Variants in IPO7 observed in about 807,000 individuals in gnomAD.
The protein encoded by IPO7 is importin-7.
IPO7 carries 13 observed loss-of-function variants against 136.4 expected under a neutral mutation model. That is an observed-to-expected ratio of 0.10 (90% CI 0.06 to 0.15). The LOEUF (loss-of-function observed/expected upper bound fraction) is 0.15. IPO7 is among the 10% of genes least tolerant of loss of function. The pLI, the probability that IPO7 is intolerant of heterozygous loss-of-function variation, is 1.00. For synonymous variants in IPO7, 403 were observed against 404.4 expected, an observed-to-expected ratio of 1.00 and a Z score of 0.04; for missense variants, 857 against 1,240.6, an observed-to-expected ratio of 0.69 and a Z score of 4.65.
rs1855286160 is a variant in IPO7, at chr11:9,431,010, A to T, written c.1881+7A>T. 2.5e-6 allele frequency: 4 copies of T among 1,611,162 alleles called. No homozygotes were observed. In the South Asian group the frequency reaches 3.3e-5, roughly 13 times the overall value. ...AGTTGAAGATCATAAAGAGGTAAGAAGATGATCTAGTGTTGCAGTTTTTCA... is the reference window on the plus strand; with the variant it reads ...AGTTGAAGATCATAAAGAGGTAAGATGATGATCTAGTGTTGCAGTTTTTCA... On this transcript the variant is annotated splice_region_variant and intron_variant, in intron 16 of 24. Coordinates refer to ENST00000379719, the MANE Select transcript of IPO7 (RefSeq NM_006391.3).
chr11:9,388,196 A>G (rs1481652378), intron 1 of IPO7, among the ~76,000 whole-genome samples: 1 of 148,842 alleles, frequency 6.7e-6, no homozygotes, highest in Non-Finnish European at 1.5e-5. Context: ...TTTTTTTTTG[A>G]GACGGAGTCT....
At chr11:9,421,563 G>A (rs1444125881) in intron 8 of IPO7, among the ~76,000 whole-genome samples, 5 of 151,630 alleles carry the variant, frequency 3.3e-5, no homozygotes, top group African/African-American at 1.2e-4. Context: ...AGGAGGCAGA[G>A]GTTGCAGTGG....
intron 1 of IPO7, among the ~76,000 whole-genome samples, chr11:9,397,341 A>AAAAAAATAT: frequency 0.069 from 741 of 10,792 alleles, 102 homozygotes; most frequent in Middle Eastern, 0.17. Context: ...TTTAAAAAAA[A>AAAAAAATAT]ATATATATAT....
In IPO7 at chr11:9,423,891, C is replaced by G; in HGVS notation, c.1141+15C>G. On this transcript the variant is annotated intron_variant, in intron 10 of 24. Coordinates refer to ENST00000379719, the MANE Select transcript of IPO7 (RefSeq NM_006391.3). Reference sequence around the variant, plus strand: ...CATGAAGTTTGGTAAGGAATTTTCACGTTTTTAGAAACAAAAAATGTCAGT... The same window carrying G: ...CATGAAGTTTGGTAAGGAATTTTCAGGTTTTTAGAAACAAAAAATGTCAGT... 1 of 1,505,632 alleles carries G rather than the reference C, an allele frequency of 6.6e-7. No individual in the cohort carries two copies. Among genetic ancestry groups the G allele is most frequent in the Non-Finnish European group, 9.2e-7 (1 of 1,086,918 alleles). The allele number at this position is 1,505,632 out of a possible 1,614,324, so 93.3% of individuals were successfully genotyped here.
At chr11:9,388,719 C>A (rs144514337) in intron 1 of IPO7, among the ~76,000 whole-genome samples, 314 of 149,048 alleles carry the variant, frequency 2.1e-3, no homozygotes, top group African/African-American at 7.5e-3. Flanking sequence ...AGAGCTAAGG[C>A]CTTGCTATGT....
At chr11:9,403,165 T>G in intron 1 of IPO7, 125 bp from the exon 2 acceptor site, 1 of 691,242 alleles carries the variant, frequency 1.4e-6, no homozygotes, top group Non-Finnish European at 2.6e-6. Context: ...GAAATAAGAC[T>G]GGAACCAGTT....
chr11:9,443,719 A>T (rs1391057647), intron 24 of IPO7, among the ~76,000 whole-genome samples: 1 of 151,380 alleles, frequency 6.6e-6, no homozygotes, highest in African/African-American at 2.4e-5. Context: ...CCTGGGCAAC[A>T]TAGTGAGACA....
chr11:9,390,113 A>G (rs1477857946), intron 1 of IPO7, among the ~76,000 whole-genome samples: 1 of 152,028 alleles, frequency 6.6e-6, no homozygotes, highest in Non-Finnish European at 1.5e-5. Context: ...CTGGTCTCGA[A>G]CTCCTGACCT....
At chr11:9,415,484 G>T (rs1289965446) in intron 5 of IPO7, among the ~76,000 whole-genome samples, 1 of 152,182 alleles carries the variant, frequency 6.6e-6, no homozygotes, top group Non-Finnish European at 1.5e-5. Flanking sequence ...CTGGTACACA[G>T]TAATGGCTTT....
At chr11:9,392,820 G>A (rs1236287248) in intron 1 of IPO7, among the ~76,000 whole-genome samples, 3 of 151,676 alleles carry the variant, frequency 2.0e-5, no homozygotes, top group African/African-American at 4.8e-5. Flanking sequence ...ATGGTGTTGC[G>A]TGCCTGTAAT....
intron 1 of IPO7, among the ~76,000 whole-genome samples, chr11:9,387,746 G>A (rs533839503): frequency 3.3e-5 from 5 of 151,992 alleles, no homozygotes; most frequent in African/African-American, 1.2e-4. Flanking sequence ...CAGAAGAATC[G>A]CTTGAACCTG....
chr11:9,404,711 G>A (rs1854855241), intron 2 of IPO7, among the ~76,000 whole-genome samples: 2 of 150,970 alleles, frequency 1.3e-5, no homozygotes, highest in Admixed American at 1.3e-4. Flanking sequence ...GACCACAGGC[G>A]CCCGCCACCA....
rs1276433250 is a variant in IPO7 at position 9,420,300 on chromosome 11, A to AG, written c.727-111_727-110insG. Reference sequence around the variant, plus strand: ...ATAGAGCAAGACTCCATCTCAAAAAAAAAAAGGCCAGCATTAGTGAAGCAT... The same window carrying AG: ...ATAGAGCAAGACTCCATCTCAAAAAAGAAAAAGGCCAGCATTAGTGAAGCAT... On this transcript the variant is annotated intron_variant, in intron 6 of 24. Coordinates refer to ENST00000379719, the MANE Select transcript of IPO7 (RefSeq NM_006391.3). 26 of 678,490 alleles carry AG rather than the reference A, an allele frequency of 3.8e-5. No homozygotes were observed. The East Asian group carries it at 7.2e-4, about 19-fold the overall frequency. 42.0% of individuals were successfully genotyped at this position (678,490 alleles called of 1,614,324 possible).
intron 1 of IPO7, among the ~76,000 whole-genome samples, chr11:9,398,143 C>T (rs996842512): frequency 1.3e-5 from 2 of 152,216 alleles, no homozygotes; most frequent in African/African-American, 4.8e-5. Context: ...CTTTCTCACT[C>T]TACACTGCCC....
chr11:9,430,780 T>G, intron 15 of IPO7, 95 bp from the exon 16 acceptor site: 2 of 920,346 alleles, frequency 2.2e-6, no homozygotes, highest in Non-Finnish European at 3.4e-6. Flanking sequence ...TGTTGTGGTA[T>G]CCCAATGAGA....
chr11:9,414,773 G>A (rs966885062), intron 5 of IPO7, among the ~76,000 whole-genome samples: 3 of 151,094 alleles, frequency 2.0e-5, no homozygotes, highest in Non-Finnish European at 3.0e-5. Context: ...TTACAGGCAC[G>A]TGCCACCACA....
chr11:9,389,180 GTAAC>G (rs1432405270), intron 1 of IPO7, among the ~76,000 whole-genome samples: 1 of 151,936 alleles, frequency 6.6e-6, no homozygotes, highest in African/African-American at 2.4e-5. Context: ...AGCCTCTTGA[GTAAC>G]TGAGACTACA....
chr11:9,416,061 C>A (rs149945606), intron 5 of IPO7, among the ~76,000 whole-genome samples: 1 of 152,114 alleles, frequency 6.6e-6, no homozygotes, highest in African/African-American at 2.4e-5. Context: ...CACAGTGGCT[C>A]GCACCTGTAA....
At chr11:9,433,232 C>A (rs1855325017) in intron 16 of IPO7, 1 of 226,396 alleles carries the variant, frequency 4.4e-6, no homozygotes, top group Non-Finnish European at 8.8e-6. Context: ...GTGATCCACC[C>A]ACCTTGGCTT....
Sources: gnomAD v4.1 joint callset for allele counts (sites outside exome capture counted in the v4.1 genomes callset) on GRCh38, gnomAD v4.1.1 for gene constraint, MANE v1.5 for transcripts, NCBI Gene and HGNC (gene_info 2026-07-23, HGNC 2026-07-21) for gene names.